Variants in PGM1 observed in about 807,000 individuals in gnomAD.
The protein encoded by PGM1 is phosphoglucomutase-1.
Under a neutral mutation model 55.6 loss-of-function variants are expected in PGM1, and 52 were observed. The observed-to-expected ratio is 0.94, with a 90% CI of 0.75 to 1.18. The LOEUF is 1.18. Among genes scored for constraint, PGM1 ranks in the 50% most tolerant of loss-of-function variants. PGM1 has a pLI of 0.00. For missense variants in PGM1, 724 were observed against 729.3 expected (o/e 0.99, Z 0.08); for synonymous variants, 287 against 271.7 (o/e 1.06, Z -0.55).
At chr1:63,602,949 G>A (rs987512968) in intron 1 of PGM1, among the ~76,000 whole-genome samples, 1 of 152,172 alleles carries the variant, frequency 6.6e-6, no homozygotes, top group African/African-American at 2.4e-5. Context: ...GCATAAAGGA[G>A]GCGTGCCTGG....
intron 1 of PGM1, among the ~76,000 whole-genome samples, chr1:63,607,144 C>A (rs544619059): frequency 6.6e-6 from 1 of 152,328 alleles, no homozygotes; most frequent in East Asian, 1.9e-4. Flanking sequence ...ACCCCTTCAG[C>A]CTTAAGCAGC....
At chr1:63,602,485 T>C (rs890913571) in intron 1 of PGM1, among the ~76,000 whole-genome samples, 20 of 152,348 alleles carry the variant, frequency 1.3e-4, no homozygotes, top group African/African-American at 4.6e-4. Context: ...GCTTTGAGTG[T>C]GATTGATTCA....
In PGM1 at chr1:63,593,570, G is replaced by C; in HGVS notation, c.82G>C (p.Val28Leu). The change falls in exon 1 of 11, where the codon GTG becomes CTG. Residue 28 changes from valine to leucine, a missense_variant. This residue lies in a region of PGM1 where 379 missense variants were observed against 357.5 expected (regional missense o/e 1.06). Transcript: ENST00000371084. ...GTSGLRKRVK[V>L]FQSSANYAEN... is the part of the protein sequence containing the mutation. ...GAGCGGGCTGCGGAAGCGGGTGAAG[G>C]TGTTCCAGAGCAGCGCCAACTACGC... is the stretch of plus-strand genomic sequence containing the variant. 6.2e-7 allele frequency: 1 copy of C among 1,613,872 alleles called. No individual in the cohort carries two copies. Among genetic ancestry groups the C allele is most frequent in the Non-Finnish European group, 8.5e-7 (1 of 1,179,942 alleles).
intron 1 of PGM1, 136 bp from the exon 2 acceptor site, chr1:63,629,289 A>T: frequency 1.3e-6 from 1 of 786,948 alleles, no homozygotes; most frequent in Non-Finnish European, 2.2e-6. Flanking sequence ...GATTTTTATT[A>T]AATAAAATCT....
chr1:63,617,524 C>T (rs1007803205), intron 1 of PGM1, among the ~76,000 whole-genome samples: 6 of 151,856 alleles, frequency 4.0e-5, no homozygotes, highest in South Asian at 2.1e-4. Flanking sequence ...CTGTCCAACA[C>T]AGTGAAACCC....
At position 63,660,146 on chromosome 1, in the gene PGM1, C is replaced by T. The variant is rs1650082077; in HGVS notation, c.*471C>T. The T allele has an allele frequency of 5.2e-6, 1 of 191,460 alleles. No homozygotes were observed. The highest frequency in any genetic ancestry group is 5.3e-5 in the Admixed American group (1 of 18,858). 11.9% of individuals were successfully genotyped at this position (191,460 alleles called of 1,614,324 possible). A position where few individuals can be genotyped will look rare whatever the true frequency, so the allele number is the denominator to read the frequency against. Reference sequence around the variant, plus strand: ...TGCCTTCTGTCCAATCAGTTCTTTCCTCTGAGTGAGACGTACTTGGCTACA... The same window carrying T: ...TGCCTTCTGTCCAATCAGTTCTTTCTTCTGAGTGAGACGTACTTGGCTACA... On this transcript the variant is annotated 3_prime_UTR_variant, in exon 11 of 11. Transcript: ENST00000371084.
chr1:63,647,669 A>C (rs968112898), intron 7 of PGM1, among the ~76,000 whole-genome samples: 1 of 152,126 alleles, frequency 6.6e-6, no homozygotes, highest in Non-Finnish European at 1.5e-5. Flanking sequence ...CCAGTTATCC[A>C]AACGCCATTT....
At chr1:63,603,322 G>A (rs1648294900) in intron 1 of PGM1, among the ~76,000 whole-genome samples, 1 of 152,238 alleles carries the variant, frequency 6.6e-6, no homozygotes, top group Non-Finnish European at 1.5e-5. Flanking sequence ...TTCCCACTGA[G>A]AGTGGCTGAG....
intron 3 of PGM1, among the ~76,000 whole-genome samples, chr1:63,631,086 A>G (rs1031823057): frequency 6.6e-6 from 1 of 152,192 alleles, no homozygotes; most frequent in African/African-American, 2.4e-5. Context: ...TGAACATCCA[A>G]CAAGAACAAC....
intron 4 of PGM1, among the ~76,000 whole-genome samples, chr1:63,632,191 T>A (rs1397496928): frequency 1.3e-5 from 2 of 151,886 alleles, no homozygotes; most frequent in African/African-American, 4.8e-5. Context: ...CAAATGCTCG[T>A]TTTCTTAGAA....
At chr1:63,603,596 G>A (rs1197249243) in intron 1 of PGM1, among the ~76,000 whole-genome samples, 2 of 152,294 alleles carry the variant, frequency 1.3e-5, no homozygotes, top group East Asian at 1.9e-4. Flanking sequence ...ATCAATGGGG[G>A]CAAGCCATTA....
rs141259635 is a variant in PGM1 at position 63,600,644 on chromosome 1, G to A, written c.246+6910G>A. ...GGCTGCTCTTTTTAGTGCAGCAATT[G>A]GGATGTCTGATAAACCTCATGAGAG... On this transcript the variant is annotated intron_variant, in intron 1 of 10. Coordinates refer to ENST00000371084, the MANE Select transcript of PGM1 (RefSeq NM_002633.3). Among the ~76,000 whole-genome samples, 14 of 152,296 alleles carry A rather than the reference G, an allele frequency of 9.2e-5. 1 individual carries two copies. In the East Asian group the frequency reaches 2.7e-3, roughly 29 times the overall value.
chr1:63,635,344 C>A (rs1649335779), intron 5 of PGM1, among the ~76,000 whole-genome samples: 1 of 152,174 alleles, frequency 6.6e-6, no homozygotes, highest in African/African-American at 2.4e-5. Flanking sequence ...TGCTCTCAAC[C>A]AGCAGCTGGC....
intron 5 of PGM1, 128 bp downstream of exon 5, chr1:63,635,147 G>A (rs1649330837): frequency 2.6e-6 from 2 of 774,140 alleles, no homozygotes; most frequent in African/African-American, 3.4e-5. Context: ...CTGACCCGAG[G>A]TCAGAACTAA....
rs185912807 is a variant in PGM1, at chr1:63,594,381, C to T, written c.246+647C>T. On this transcript the variant is annotated intron_variant, in intron 1 of 10. Coordinates refer to ENST00000371084, the MANE Select transcript of PGM1 (RefSeq NM_002633.3). ...GAACTCCTGCCCTTTGCGCGGCCTG[C>T]TTGCTGGGGGGCAGGCGTTTGAAAC... Among the ~76,000 whole-genome samples, 321 of 152,254 alleles carry T rather than the reference C, an allele frequency of 2.1e-3. 2 individuals carry two copies. Among genetic ancestry groups the T allele is most frequent in the Non-Finnish European group, 3.2e-3 (217 of 68,016 alleles).
intron 1 of PGM1, among the ~76,000 whole-genome samples, chr1:63,622,783 C>T (rs1335135379): frequency 3.9e-5 from 6 of 152,042 alleles, no homozygotes; most frequent in Non-Finnish European, 7.4e-5. Flanking sequence ...TAATTTTTTT[C>T]CTGATAGATT....
chr1:63,628,058 C>G (rs1649085843), intron 1 of PGM1, among the ~76,000 whole-genome samples: 1 of 152,148 alleles, frequency 6.6e-6, no homozygotes, highest in African/African-American at 2.4e-5. Flanking sequence ...TGGGCAGGAT[C>G]ATGATAACTC....
intron 4 of PGM1, among the ~76,000 whole-genome samples, chr1:63,633,932 ATT>A (rs60609353): frequency 0.25 from 8,946 of 35,298 alleles, 1,590 homozygotes; most frequent in Middle Eastern, 0.35. Flanking sequence ...ATATATATAT[ATT>A]TTTTTTTTTT....
intron 10 of PGM1, among the ~76,000 whole-genome samples, chr1:63,656,677 A>G (rs1162844267): frequency 6.6e-6 from 1 of 152,110 alleles, no homozygotes; most frequent in African/African-American, 2.4e-5. Flanking sequence ...TGCCATTTGC[A>G]ATAACATGGA....
Sources: allele counts gnomAD v4.1 joint callset (sites outside exome capture counted in the v4.1 genomes callset), GRCh38; gene constraint gnomAD v4.1.1; regional missense constraint gnomAD v4.1.1; transcripts MANE v1.5; gene names NCBI Gene and HGNC (gene_info 2026-07-23, HGNC 2026-07-21).